Variants in CLDN2 observed in about 807,000 individuals in gnomAD.
The protein encoded by CLDN2 is claudin-2.
A neutral mutation model predicts 8.2 loss-of-function variants in CLDN2; 1 was observed. The observed-to-expected ratio is 0.12, with a 90% confidence interval of 0.04 to 0.58. The LOEUF is 0.58. Ranked by LOEUF, CLDN2 falls within the 20% of genes least tolerant of loss-of-function variation. CLDN2 has a pLI of 0.90. For synonymous variants in CLDN2, 70 were observed against 70.2 expected, an observed-to-expected ratio of 1.00 and a Z score of 0.01; for missense variants, 108 against 172.9, an observed-to-expected ratio of 0.62 and a Z score of 2.11.
At chrX:106,904,750 C>A (rs1442233955) in intron 1 of CLDN2, among the ~76,000 whole-genome samples, 2 of 112,088 alleles carry the variant, frequency 1.8e-5, no homozygotes, top group Non-Finnish European at 3.8e-5. Context: ...GGCAGTTACA[C>A]AATTTCATAT....
At chrX:106,900,187 A>C (rs1472628366) in exon 1 of CLDN2, 1 of 112,582 alleles carries the variant, frequency 8.9e-6, no homozygotes, top group Non-Finnish European at 1.9e-5. Flanking sequence ...GATTCTCTAC[A>C]CACTGCCTTC....
chrX:106,904,235 C>A (rs1274803472), intron 1 of CLDN2, among the ~76,000 whole-genome samples: 1 of 113,092 alleles, frequency 8.8e-6, no homozygotes, highest in African/African-American at 3.2e-5. Flanking sequence ...TAAATGGGTA[C>A]TGAACCCGGG....
In CLDN2 at chrX:106,928,255, G is replaced by A. The variant is rs1933497606; in HGVS notation, c.27G>A (p.Val9=). 8.3e-7 allele frequency: 1 copy of A among 1,209,467 alleles called. No individual in the cohort carries two copies. The highest frequency in any genetic ancestry group is 1.7e-5 in the African/African-American group (1 of 57,323). The change falls in exon 2 of 2, where the codon GTG becomes GTA. Residue 9 remains valine (V), a synonymous_variant. Transcript: ENST00000336803. MASLGLQL[V]GYILGLLGLL... is the part of the protein sequence containing the mutation. ...TGGCCTCTCTTGGCCTCCAACTTGT[G>A]GGCTACATCCTAGGCCTTCTGGGGC...
At chrX:106,920,967 G>T (rs929204238) in intron 1 of CLDN2, among the ~76,000 whole-genome samples, 1 of 111,388 alleles carries the variant, frequency 9.0e-6, no homozygotes, top group Admixed American at 9.5e-5. Context: ...GGTAGCAGAA[G>T]GTGGGTTCCT....
At chrX:106,911,696 C>T (rs963355436) in intron 1 of CLDN2, among the ~76,000 whole-genome samples, 14 of 112,463 alleles carry the variant, frequency 1.2e-4, no homozygotes, top group African/African-American at 4.2e-4. Context: ...AAGAAGCAAG[C>T]CTTTCTATCG....
intron 1 of CLDN2, among the ~76,000 whole-genome samples, chrX:106,904,959 G>A (rs1602453509): frequency 9.0e-6 from 1 of 111,684 alleles, no homozygotes; most frequent in Non-Finnish European, 1.9e-5. Context: ...GTAACAGTGG[G>A]GTGGATTTTT....
intron 1 of CLDN2, chrX:106,901,650 C>T (rs1313220164): frequency 5.2e-6 from 4 of 768,827 alleles, no homozygotes; most frequent in Non-Finnish European, 7.7e-6. Context: ...AGACCTTAGA[C>T]ATCTCTGGGA....
Position 106,928,048 on chromosome X carries a change from T to A in CLDN2, c.-178-3T>A, listed in dbSNP as rs1036755720. The stretch of plus-strand genomic sequence containing the variant: ...TTTAATCTGGTTTATGGATTTTTTT[T>A]AGGTCTTCTAGATGCCTTCTTGAGG... On this transcript the variant is annotated splice_polypyrimidine_tract_variant and splice_region_variant and intron_variant, in intron 1 of 1. Coordinates refer to ENST00000336803, the MANE Select transcript of CLDN2 (RefSeq NM_020384.4). 5.2e-6 allele frequency: 2 copies of A among 385,325 alleles called. No individual in the cohort carries two copies. Among genetic ancestry groups the A allele is most frequent in the Non-Finnish European group, 9.0e-6 (2 of 222,520 alleles). 31.8% of individuals were successfully genotyped at this position (385,325 alleles called of 1,213,427 possible). A position where few individuals can be genotyped will look rare whatever the true frequency, so the allele number is the denominator to read the frequency against.
exon 1 of CLDN2, chrX:106,900,243 T>C (rs1411602720): frequency 1.8e-5 from 2 of 113,218 alleles, no homozygotes; most frequent in Non-Finnish European, 3.7e-5. Context: ...CTTGCATGGA[T>C]CTGCTGTTGG....
chrX:106,904,928 T>C (rs1457840069), intron 1 of CLDN2, among the ~76,000 whole-genome samples: 1 of 111,627 alleles, frequency 9.0e-6, no homozygotes, highest in Non-Finnish European at 1.9e-5. Context: ...AGAAAGAGTG[T>C]TAGGGTTGTC....
rs1179022340 is a variant in CLDN2 at position 106,928,651 on chromosome X, T to C, written c.423T>C (p.His141=). ...TCATTCCTGTTGCCTGGAATCTTCATGGGATCCTACGGGACTTCTACTCAC... is the reference window on the plus strand; with the variant it reads ...TCATTCCTGTTGCCTGGAATCTTCACGGGATCCTACGGGACTTCTACTCAC... ...LGFIPVAWNL[H]GILRDFYSPL... is the part of the protein sequence containing the mutation. The change falls in exon 2 of 2, where the codon CAT becomes CAC. Residue 141 remains histidine (H), a synonymous_variant. Coordinates refer to ENST00000336803, the MANE Select transcript of CLDN2 (RefSeq NM_020384.4). 8.3e-7 allele frequency: 1 copy of C among 1,210,021 alleles called. No homozygotes were observed. Among genetic ancestry groups the C allele is most frequent in the Admixed American group, 2.2e-5 (1 of 45,785 alleles).
intron 1 of CLDN2, among the ~76,000 whole-genome samples, chrX:106,909,045 G>T (rs1410219359): frequency 8.9e-6 from 1 of 111,942 alleles, no homozygotes; most frequent in Admixed American, 9.5e-5. Flanking sequence ...CATGGAGGAG[G>T]AGGAGATTGA....
chrX:106,921,178 C>T (rs1933387865), intron 1 of CLDN2, among the ~76,000 whole-genome samples: 1 of 112,287 alleles, frequency 8.9e-6, no homozygotes, highest in African/African-American at 3.2e-5. Flanking sequence ...CTAAATTCTG[C>T]CTTTCTGTGT....
chrX:106,912,372 A>T (rs1208619713), intron 1 of CLDN2, among the ~76,000 whole-genome samples: 1 of 108,110 alleles, frequency 9.2e-6, no homozygotes, highest in East Asian at 2.9e-4. Context: ...TGCACAATTG[A>T]CTTGCAAGCT....
chrX:106,903,115 A>C (rs1933129281), intron 1 of CLDN2: 1 of 1,208,822 alleles, frequency 8.3e-7, no homozygotes, highest in Admixed American at 2.2e-5. Context: ...AGGTTGCCAA[A>C]GGCTAAGCTC....
chrX:106,901,871 C>T (rs747605930), intron 1 of CLDN2, among the ~76,000 whole-genome samples: 3 of 111,689 alleles, frequency 2.7e-5, no homozygotes, highest in Middle Eastern at 4.2e-3. Flanking sequence ...TGCCAGGAGA[C>T]GAGGCCTCAA....
At chrX:106,905,466 A>G (rs1186851280) in intron 1 of CLDN2, among the ~76,000 whole-genome samples, 1 of 111,791 alleles carries the variant, frequency 8.9e-6, no homozygotes, top group Admixed American at 9.5e-5. Flanking sequence ...CAGAGCATCT[A>G]TCAGTCTCTG....
At chrX:106,903,885 G>C (rs1933145273) in intron 1 of CLDN2, among the ~76,000 whole-genome samples, 1 of 112,376 alleles carries the variant, frequency 8.9e-6, no homozygotes, top group Non-Finnish European at 1.9e-5. Flanking sequence ...AGGCCCAGAT[G>C]CTTGTTGGGT....
chrX:106,903,216 T>C, intron 1 of CLDN2: 1 of 1,210,866 alleles, frequency 8.3e-7, no homozygotes, highest in Non-Finnish European at 1.1e-6. Flanking sequence ...GGGCTTGTGC[T>C]AGGTCTGGAG....
Sources: gnomAD v4.1 joint callset for allele counts (sites outside exome capture counted in the v4.1 genomes callset) on GRCh38, gnomAD v4.1.1 for gene constraint, MANE v1.5 for transcripts, NCBI Gene and HGNC (gene_info 2026-07-23, HGNC 2026-07-21) for gene names.